RPS6KC1: variants seen among roughly 807,000 people sequenced by gnomAD.
The protein encoded by RPS6KC1 is inactive ribosomal protein S6 kinase delta-1.
In RPS6KC1, 54 loss-of-function variants were observed where a neutral mutation model predicts 103.8. That is an observed-to-expected ratio of 0.52 (90% CI 0.42 to 0.65). The LOEUF (loss-of-function observed/expected upper bound fraction) is 0.65. RPS6KC1 is among the 30% of genes least tolerant of loss of function. The pLI is 0.00. For synonymous variants in RPS6KC1, 439 were observed against 438.7 expected, an observed-to-expected ratio of 1.00 and a Z score of -0.01; for missense variants, 1,151 against 1,253.8, an observed-to-expected ratio of 0.92 and a Z score of 1.24.
At chr1:213,314,195 A>G in the RPS6KC1 span, among the ~76,000 whole-genome samples, 16 of 152,086 alleles carry the variant, frequency 1.1e-4, no homozygotes, top group East Asian at 1.9e-4. Flanking sequence ...TTCATATGGC[A>G]TTTTCCTCTT....
chr1:213,633,616 A>G, the RPS6KC1 span, among the ~76,000 whole-genome samples: 2 of 152,034 alleles, frequency 1.3e-5, no homozygotes, highest in African/African-American at 4.8e-5. Context: ...AAAACCATCG[A>G]TGCTAGGAAG....
the RPS6KC1 span, among the ~76,000 whole-genome samples, chr1:213,385,820 T>C: frequency 6.6e-6 from 1 of 152,178 alleles, no homozygotes; most frequent in South Asian, 2.1e-4. Context: ...AGCCCTTCAG[T>C]GCTGCTACTG....
chr1:213,191,889 A>G (rs1558508632), intron 8 of RPS6KC1, among the ~76,000 whole-genome samples: 1 of 151,552 alleles, frequency 6.6e-6, no homozygotes, highest in Non-Finnish European at 1.5e-5. Context: ...GCTCACTGCA[A>G]CCTCCGCCTC....
At chr1:213,502,816 G>A in the RPS6KC1 span, among the ~76,000 whole-genome samples, 1 of 151,982 alleles carries the variant, frequency 6.6e-6, no homozygotes, top group Non-Finnish European at 1.5e-5. Flanking sequence ...ATTTTGTTCT[G>A]TTCTACTCAT....
chr1:213,097,173 G>A (rs2081539272), intron 3 of RPS6KC1, among the ~76,000 whole-genome samples: 1 of 152,136 alleles, frequency 6.6e-6, no homozygotes, highest in Non-Finnish European at 1.5e-5. Context: ...GGCCAACATG[G>A]TGAAACCCCG....
the RPS6KC1 span, among the ~76,000 whole-genome samples, chr1:213,829,113 C>G: frequency 3.3e-5 from 5 of 152,124 alleles, no homozygotes; most frequent in South Asian, 1.0e-3. Context: ...GTAGTCCCGA[C>G]GAAGCCTACA....
At chr1:213,442,716 A>G in the RPS6KC1 span, among the ~76,000 whole-genome samples, 27 of 152,186 alleles carry the variant, frequency 1.8e-4, no homozygotes, top group Non-Finnish European at 3.4e-4. Context: ...AGCATTAGCT[A>G]TGGTGGTGGA....
At chr1:213,206,492 C>T (rs1397503778) in intron 8 of RPS6KC1, among the ~76,000 whole-genome samples, 1 of 152,038 alleles carries the variant, frequency 6.6e-6, no homozygotes, top group Non-Finnish European at 1.5e-5. Context: ...TAAGTAAATA[C>T]ATAAGTTGTA....
At chr1:213,728,195 G>A in the RPS6KC1 span, among the ~76,000 whole-genome samples, 7 of 151,914 alleles carry the variant, frequency 4.6e-5, no homozygotes, top group East Asian at 3.9e-4. Flanking sequence ...ATAAACCCGC[G>A]GTGAAGAAGC....
the RPS6KC1 span, among the ~76,000 whole-genome samples, chr1:213,286,194 CAAT>C: frequency 2.0e-4 from 30 of 152,238 alleles, no homozygotes; most frequent in African/African-American, 7.0e-4. Flanking sequence ...ATCTTTGAAT[CAAT>C]AATATTTCCT....
At chr1:213,611,892 A>T in the RPS6KC1 span, among the ~76,000 whole-genome samples, 1 of 152,246 alleles carries the variant, frequency 6.6e-6, no homozygotes, top group Non-Finnish European at 1.5e-5. Context: ...TGGCATTTAT[A>T]GTAGAGCCTC....
At chr1:213,583,846 GAA>G in the RPS6KC1 span, among the ~76,000 whole-genome samples, 1 of 137,930 alleles carries the variant, frequency 7.3e-6, no homozygotes, top group African/African-American at 2.7e-5. Context: ...AAAGAAAAAA[GAA>G]AAAAAAAGAA....
chr1:213,385,130 G>A, the RPS6KC1 span, among the ~76,000 whole-genome samples: 1 of 152,202 alleles, frequency 6.6e-6, no homozygotes, highest in African/African-American at 2.4e-5. Context: ...GACAGCAGCA[G>A]TAACTTTAAA....
At chr1:213,346,420 G>C in the RPS6KC1 span, among the ~76,000 whole-genome samples, 1 of 152,084 alleles carries the variant, frequency 6.6e-6, no homozygotes, top group Non-Finnish European at 1.5e-5. Flanking sequence ...TAGTATTAGG[G>C]AGTTAAATTT....
chr1:213,450,833 G>T, the RPS6KC1 span, among the ~76,000 whole-genome samples: 2 of 152,090 alleles, frequency 1.3e-5, no homozygotes, highest in African/African-American at 4.8e-5. Flanking sequence ...AAATTAGCCG[G>T]GCATGCTGGT....
At position 213,068,483 on chromosome 1, in the gene RPS6KC1, C is replaced by CAAA. The variant is rs71147057; in HGVS notation, c.106-2499_106-2497dup. 9.6e-3 allele frequency among the ~76,000 whole-genome samples: 348 copies of CAAA among 36,310 alleles called. 73 individuals carry two copies. Among genetic ancestry groups the CAAA allele is most frequent in the African/African-American group, 0.017 (151 of 8,856 alleles). 23.8% of individuals were successfully genotyped at this position (36,310 alleles called of 152,430 possible). On this transcript the variant is annotated intron_variant, in intron 1 of 14. Transcript: ENST00000366960. ...TGGGTGACAGAGCAAGACTCTGTCT[C>CAAA]AAAAAAAAAAAAAAAAAAAAAAAAA...
the RPS6KC1 span, among the ~76,000 whole-genome samples, chr1:213,477,965 C>T: frequency 6.6e-6 from 1 of 152,072 alleles, no homozygotes; most frequent in South Asian, 2.1e-4. Flanking sequence ...AACATGTATC[C>T]ATCGTTATAG....
chr1:213,646,464 T>A, the RPS6KC1 span, among the ~76,000 whole-genome samples: 1 of 151,998 alleles, frequency 6.6e-6, no homozygotes, highest in African/African-American at 2.4e-5. Context: ...CAGACAGGGA[T>A]TCCTGGTGTT....
the RPS6KC1 span, among the ~76,000 whole-genome samples, chr1:213,343,436 T>TACATACAC: frequency 1.2e-5 from 1 of 86,750 alleles, no homozygotes; most frequent in African/African-American, 4.0e-5. Context: ...TATATATATA[T>TACATACAC]ATATACATAC....
Sources: gnomAD v4.1 joint callset for allele counts (sites outside exome capture counted in the v4.1 genomes callset) on GRCh38, gnomAD v4.1.1 for gene constraint, MANE v1.5 for transcripts, NCBI Gene and HGNC (gene_info 2026-07-23, HGNC 2026-07-21) for gene names.